TRIO: variants seen among roughly 807,000 people sequenced by gnomAD.
TRIO encodes the protein triple functional domain protein.
Under a neutral mutation model 351.9 loss-of-function variants are expected in TRIO, and 58 were observed. That is an observed-to-expected ratio of 0.16 (90% CI 0.13 to 0.21). The LOEUF (loss-of-function observed/expected upper bound fraction) is 0.21. TRIO is among the 10% of genes least tolerant of loss of function. TRIO has a pLI of 1.00. For missense variants in TRIO, 3,201 were observed against 4,027.8 expected (o/e 0.79, Z 5.56); for synonymous variants, 1,758 against 1,595.7 (o/e 1.10, Z -2.42).
chr5:14,347,598 T>C (rs1742542021), intron 11 of TRIO, among the ~76,000 whole-genome samples: 1 of 152,228 alleles, frequency 6.6e-6, no homozygotes, highest in South Asian at 2.1e-4. Context: ...TTCTTAAAAA[T>C]GGGCAAATTT....
rs1162586168 is a variant in TRIO, at chr5:14,369,224, C to T, written c.3067-150C>T. 44 of 1,164,488 alleles carry T rather than the reference C, an allele frequency of 3.8e-5. 1 individual carries two copies. The highest frequency in any genetic ancestry group is 4.6e-4 in the Middle Eastern group (2 of 4,340). The allele number at this position is 1,164,488 out of a possible 1,614,324, so 72.1% of individuals were successfully genotyped here. A position where few individuals can be genotyped will look rare whatever the true frequency, so the allele number is the denominator to read the frequency against. On this transcript the variant is annotated intron_variant, in intron 17 of 56. Transcript: ENST00000344204. ...CTGCTTTTGACCCTGTAGTTGTTCT[C>T]CAGCCAGGTGGAGCCCATGGCTCCT...
intron 12 of TRIO, among the ~76,000 whole-genome samples, chr5:14,359,010 A>T (rs1377416021): frequency 6.6e-6 from 1 of 152,222 alleles, no homozygotes; most frequent in Non-Finnish European, 1.5e-5. Context: ...CTCGTGTCCA[A>T]TATGACTCTG....
At chr5:14,290,032 C>G (rs145718565) in intron 4 of TRIO, among the ~76,000 whole-genome samples, 1 of 152,288 alleles carries the variant, frequency 6.6e-6, no homozygotes, top group African/African-American at 2.4e-5. Flanking sequence ...AAATGAGCCT[C>G]TGCCAGCTTT....
At chr5:14,285,483 G>A (rs1229742995) in intron 3 of TRIO, among the ~76,000 whole-genome samples, 1 of 151,992 alleles carries the variant, frequency 6.6e-6, no homozygotes, top group East Asian at 1.9e-4. Flanking sequence ...AAGCTAGTTA[G>A]TCTGATAGTC....
chr5:14,264,380 T>C (rs1216116322), intron 1 of TRIO, among the ~76,000 whole-genome samples: 2 of 152,228 alleles, frequency 1.3e-5, no homozygotes, highest in Non-Finnish European at 2.9e-5. Flanking sequence ...CCAACAGTTA[T>C]AACCATAAAG....
At chr5:14,453,827 G>A (rs997869655) in intron 34 of TRIO, among the ~76,000 whole-genome samples, 1 of 152,202 alleles carries the variant, frequency 6.6e-6, no homozygotes, top group African/African-American at 2.4e-5. Flanking sequence ...GAAAGTTAGC[G>A]ATGGGGTGAA....
intron 34 of TRIO, among the ~76,000 whole-genome samples, chr5:14,422,378 G>A (rs1309716649): frequency 1.3e-5 from 2 of 152,196 alleles, no homozygotes; most frequent in Non-Finnish European, 1.5e-5. Context: ...CAGTTCTAGT[G>A]TCTCTACATT....
At chr5:14,367,324 G>A (rs542849181) in intron 16 of TRIO, among the ~76,000 whole-genome samples, 3 of 152,294 alleles carry the variant, frequency 2.0e-5, no homozygotes, top group East Asian at 1.9e-4. Context: ...AGGAGCCCAC[G>A]TTGCAGTCTC....
chr5:14,198,940 T>A (rs924983094), intron 1 of TRIO, among the ~76,000 whole-genome samples: 3 of 152,084 alleles, frequency 2.0e-5, no homozygotes, highest in Admixed American at 2.0e-4. Context: ...AAATCTTATC[T>A]TAAAAGTACC....
At chr5:14,486,162 A>G (rs1331871857) in intron 47 of TRIO, among the ~76,000 whole-genome samples, 1 of 152,236 alleles carries the variant, frequency 6.6e-6, no homozygotes, top group Non-Finnish European at 1.5e-5. Context: ...GTGATCAGCA[A>G]AGAACTTTGA....
intron 33 of TRIO, among the ~76,000 whole-genome samples, chr5:14,409,159 C>A (rs185062946): frequency 6.6e-6 from 1 of 152,256 alleles, no homozygotes; most frequent in Admixed American, 6.5e-5. Flanking sequence ...TCAGCCCCAG[C>A]ACAGCCCTGG....
chr5:14,505,837 T>G (rs1757637136), intron 55 of TRIO, among the ~76,000 whole-genome samples: 2 of 152,102 alleles, frequency 1.3e-5, no homozygotes, highest in East Asian at 1.9e-4. Context: ...CTTTCAAGAA[T>G]AGAAAACACA....
intron 33 of TRIO, 128 bp from the exon 34 acceptor site, chr5:14,419,650 A>G (rs1340072962): frequency 7.7e-7 from 1 of 1,295,194 alleles, no homozygotes; most frequent in Non-Finnish European, 1.1e-6. Flanking sequence ...GTGATCACAC[A>G]ACCTCGGAGC....
chr5:14,217,710 G>A (rs1202953305), intron 1 of TRIO, among the ~76,000 whole-genome samples: 1 of 152,168 alleles, frequency 6.6e-6, no homozygotes, highest in Non-Finnish European at 1.5e-5. Context: ...AGAAGTGTGT[G>A]TGGCACTTGC....
intron 33 of TRIO, among the ~76,000 whole-genome samples, chr5:14,417,816 A>C (rs541904567): frequency 2.0e-5 from 3 of 152,202 alleles, no homozygotes; most frequent in African/African-American, 7.2e-5. Flanking sequence ...TTTAGAGCAT[A>C]TGTATCTTTT....
chr5:14,408,529 G>C (rs747886353), intron 33 of TRIO, among the ~76,000 whole-genome samples: 3 of 152,202 alleles, frequency 2.0e-5, no homozygotes, highest in African/African-American at 7.2e-5. Context: ...TCTGATGCCT[G>C]ATAGCATTTC....
At chr5:14,250,052 T>C (rs2152245889) in intron 1 of TRIO, among the ~76,000 whole-genome samples, 2 of 152,348 alleles carry the variant, frequency 1.3e-5, no homozygotes, top group East Asian at 3.9e-4. Flanking sequence ...GATTGTCTCA[T>C]CTTTTGGAGC....
intron 48 of TRIO, among the ~76,000 whole-genome samples, chr5:14,490,162 C>A (rs1467293953): frequency 6.6e-6 from 1 of 151,992 alleles, no homozygotes; most frequent in African/African-American, 2.4e-5. Flanking sequence ...ACCTATAGTC[C>A]CAGCTACTTG....
chr5:14,435,056 C>T (rs77290134), intron 34 of TRIO, among the ~76,000 whole-genome samples: 2,778 of 152,312 alleles, frequency 0.018, 25 homozygotes, highest in Non-Finnish European at 0.029. Flanking sequence ...GTCTCCCTGT[C>T]GGTGTGTGGA....
Sources: gnomAD v4.1 joint callset for allele counts (sites outside exome capture counted in the v4.1 genomes callset) on GRCh38, gnomAD v4.1.1 for gene constraint, MANE v1.5 for transcripts, NCBI Gene and HGNC (gene_info 2026-07-23, HGNC 2026-07-21) for gene names.